RHOBTB3: variants seen among roughly 807,000 people sequenced by gnomAD.
The protein encoded by RHOBTB3 is Rho related BTB domain containing 3.
A neutral mutation model predicts 67.2 loss-of-function variants in RHOBTB3; 47 were observed. The observed-to-expected ratio is 0.70, with a 90% CI of 0.55 to 0.89. The LOEUF is 0.89. Ranked by LOEUF, RHOBTB3 falls within the 40% of genes least tolerant of loss-of-function variation. The probability of loss-of-function intolerance (pLI) is 0.00; values close to 1 mark genes in which losing one functional copy is unlikely to be tolerated. For missense variants in RHOBTB3, 631 were observed against 750.0 expected (o/e 0.84, Z 1.85); for synonymous variants, 273 against 274.2 (o/e 1.00, Z 0.04).
intron 8 of RHOBTB3, chr5:95,770,592 A>G (rs1745679918): frequency 4.4e-6 from 2 of 453,816 alleles, no homozygotes; most frequent in Non-Finnish European, 8.9e-6. Flanking sequence ...CTGCTTTATT[A>G]GATGCTGCTT....
intron 3 of RHOBTB3, among the ~76,000 whole-genome samples, chr5:95,740,774 C>A (rs1755572416): frequency 6.6e-6 from 1 of 152,168 alleles, no homozygotes; most frequent in Non-Finnish European, 1.5e-5. Flanking sequence ...TGAGAACTTT[C>A]TTCTTTGCCT....
intron 1 of RHOBTB3, among the ~76,000 whole-genome samples, chr5:95,722,958 A>C (rs1278079361): frequency 6.6e-6 from 1 of 152,248 alleles, no homozygotes; most frequent in East Asian, 1.9e-4. Context: ...TGTAAAACCA[A>C]ACAGTTGTTT....
rs139578647 is a variant in RHOBTB3, at chr5:95,739,653, C to T, written c.415+2578C>T. ...GCAACCTGGACCTCCTGGGCTTGAA[C>T]GATGCCCCCCACCTCAGCCTCCTGA... On this transcript the variant is annotated intron_variant, in intron 3 of 11. Coordinates refer to ENST00000379982, the MANE Select transcript of RHOBTB3 (RefSeq NM_014899.4). Among the ~76,000 whole-genome samples the T allele has an allele frequency of 3.0e-3, 458 of 152,228 alleles. 4 individuals carry two copies. The highest frequency in any genetic ancestry group is 0.01 in the African/African-American group (426 of 41,522).
At chr5:95,750,982 A>G (rs1745073215) in intron 4 of RHOBTB3, among the ~76,000 whole-genome samples, 1 of 152,262 alleles carries the variant, frequency 6.6e-6, no homozygotes, top group African/African-American at 2.4e-5. Context: ...TTGTCAAAAC[A>G]GAAGTATAGA....
At chr5:95,773,522 G>A (rs987146707) in intron 8 of RHOBTB3, among the ~76,000 whole-genome samples, 10 of 152,192 alleles carry the variant, frequency 6.6e-5, no homozygotes, top group African/African-American at 2.2e-4. Context: ...CCTTGGCTTT[G>A]CGTCTTGACC....
chr5:95,782,664 G>T (rs1746087345), intron 9 of RHOBTB3: 1 of 152,136 alleles, frequency 6.6e-6, no homozygotes, highest in Non-Finnish European at 1.5e-5. Context: ...AAAAAAATTA[G>T]CCGGGCGTGG....
At chr5:95,745,847 G>A (rs1744894835) in intron 3 of RHOBTB3, among the ~76,000 whole-genome samples, 1 of 151,952 alleles carries the variant, frequency 6.6e-6, no homozygotes, top group South Asian at 2.1e-4. Flanking sequence ...CGGTTCTACT[G>A]CTATAACCAA....
At chr5:95,737,096 T>A in intron 3 of RHOBTB3, 21 bp downstream of exon 3, 2 of 1,398,032 alleles carry the variant, frequency 1.4e-6, no homozygotes, top group South Asian at 1.2e-5. Context: ...AATATTCTTT[T>A]TTGTAGTGAG....
Position 95,719,207 on chromosome 5 carries a change from G to A in RHOBTB3, n.133+1442G>A, listed in dbSNP as rs1232372274. Among the ~76,000 whole-genome samples the A allele has an allele frequency of 7.9e-5, 12 of 152,164 alleles. 1 individual carries two copies. Among genetic ancestry groups the A allele is most frequent in the African/African-American group, 2.9e-4 (12 of 41,424 alleles). On this transcript the variant is annotated intron_variant and non_coding_transcript_variant, in intron 1 of 5. Transcript: ENST00000504949. ...CCGGAATGAGGTTAGGTGGTTGACT[G>A]GGAGGTTGCTAAATGACAGCAACTG...
At chr5:95,728,284 C>T (rs1292832009), upstream of RHOBTB3, among the ~76,000 whole-genome samples, 1 of 152,140 alleles carries the variant, frequency 6.6e-6, no homozygotes, top group Non-Finnish European at 1.5e-5. Context: ...ATATAGAAAC[C>T]TTCATGCCAG....
chr5:95,728,469 T>C (rs1755123627), upstream of RHOBTB3, among the ~76,000 whole-genome samples: 1 of 152,244 alleles, frequency 6.6e-6, no homozygotes, highest in Non-Finnish European at 1.5e-5. Context: ...TTACTTTCTT[T>C]ATGAACTTCT....
intron 11 of RHOBTB3, 63 bp downstream of exon 11, chr5:95,788,921 A>G (rs746626906): frequency 9.5e-6 from 10 of 1,056,496 alleles, no homozygotes; most frequent in Non-Finnish European, 1.4e-5. Flanking sequence ...GATTTGAGAC[A>G]TAAGTTGTAG....
At chr5:95,759,506 A>T (rs1266889678) in intron 6 of RHOBTB3, among the ~76,000 whole-genome samples, 1 of 152,258 alleles carries the variant, frequency 6.6e-6, no homozygotes, top group Admixed American at 6.5e-5. Context: ...ATTTACCCAG[A>T]TTCCACTATC....
Position 95,755,723 on chromosome 5 carries a change from G to C in RHOBTB3, c.1010G>C (p.Cys337Ser). 1 of 1,613,888 alleles carries C rather than the reference G, an allele frequency of 6.2e-7. No homozygotes were observed. The highest frequency in any genetic ancestry group is 1.1e-5 in the South Asian group (1 of 91,072). The change falls in exon 6 of 12, where the codon TGT becomes TCT. Residue 337 changes from cysteine (C) to serine (S), a missense_variant. Coordinates refer to ENST00000379982, the MANE Select transcript of RHOBTB3 (RefSeq NM_014899.4). The stretch of plus-strand genomic sequence containing the variant: ...GTCATTGTTAAAGACGCCCTCTTCT[G>C]TTCTTGTTTATCAGACATCCTTCGC... ...LRVIVKDALFCSCLSDILRFI... is the reference protein window; with the variant it reads ...LRVIVKDALFSSCLSDILRFI...
At chr5:95,768,378 A>AT (rs920649877) in intron 8 of RHOBTB3, among the ~76,000 whole-genome samples, 5 of 152,004 alleles carry the variant, frequency 3.3e-5, no homozygotes, top group African/African-American at 1.2e-4. Context: ...TTCCCTTAGT[A>AT]TTTTTTCCTT....
At chr5:95,785,300 A>C (rs1746188973) in intron 10 of RHOBTB3, among the ~76,000 whole-genome samples, 1 of 152,218 alleles carries the variant, frequency 6.6e-6, no homozygotes, top group South Asian at 2.1e-4. Context: ...CAAATTTAAA[A>C]ATTGAGTAGG....
rs148083364 is a variant in RHOBTB3 at position 95,720,181 on chromosome 5, G to C, written n.133+2416G>C. Among the ~76,000 whole-genome samples the C allele has an allele frequency of 2.5e-4, 38 of 152,294 alleles. 1 individual carries two copies. In the East Asian group the frequency reaches 6.7e-3, roughly 27 times the overall value. ...ACCCTGGGCACCTTGACAAAATAAA[G>C]TTTCTGGACTTGCAAAACTGAAGAA... On this transcript the variant is annotated intron_variant and non_coding_transcript_variant, in intron 1 of 5. Transcript: ENST00000504949.
upstream of RHOBTB3, chr5:95,730,816 G>T (rs1329056566): frequency 8.9e-6 from 4 of 447,186 alleles, no homozygotes; most frequent in Non-Finnish European, 1.8e-5. Context: ...CAGCATGAAT[G>T]TTGCCTTTAT....
chr5:95,721,869 A>G (rs991611016), intron 1 of RHOBTB3, among the ~76,000 whole-genome samples: 5 of 152,190 alleles, frequency 3.3e-5, no homozygotes, highest in Admixed American at 2.0e-4. Context: ...AGGACTATTC[A>G]TGAGGGGTAG....
Sources: allele counts gnomAD v4.1 joint callset (sites outside exome capture counted in the v4.1 genomes callset), GRCh38; gene constraint gnomAD v4.1.1; transcripts MANE v1.5; gene names NCBI Gene and HGNC (gene_info 2026-07-23, HGNC 2026-07-21).